The following SGCZ variants were observed in gnomAD, a reference collection of about 807,000 sequenced individuals.
The protein encoded by SGCZ is sarcoglycan zeta, also known as zeta-sarcoglycan.
SGCZ carries 40 observed loss-of-function variants against 41.3 expected under a neutral mutation model. The ratio of observed to expected loss-of-function variants is 0.97; its 90% CI spans 0.75 to 1.26. SGCZ has a LOEUF of 1.26. Among genes scored for constraint, SGCZ ranks in the 50% most tolerant of loss-of-function variants. SGCZ has a pLI of 0.00. For synonymous variants in SGCZ, 206 were observed against 137.5 expected (o/e 1.50, Z -3.49); for missense variants, 552 against 369.8 (o/e 1.49, Z -4.04).
At chr8:14,111,905 A>G (rs1461047078) in intron 5 of SGCZ, among the ~76,000 whole-genome samples, 1 of 152,242 alleles carries the variant, frequency 6.6e-6, no homozygotes, top group Non-Finnish European at 1.5e-5. Flanking sequence ...AAAATGCCAC[A>G]CGCTCAAAAA....
chr8:14,095,036 G>C (rs1452602035), intron 7 of SGCZ, among the ~76,000 whole-genome samples: 1 of 152,038 alleles, frequency 6.6e-6, no homozygotes, highest in Non-Finnish European at 1.5e-5. Context: ...CCCTTTGTCA[G>C]ATGGGTACAT....
chr8:14,863,498 T>A (rs1036080759), intron 1 of SGCZ, among the ~76,000 whole-genome samples: 2 of 151,994 alleles, frequency 1.3e-5, no homozygotes, highest in African/African-American at 4.8e-5. Context: ...CTATAAATAG[T>A]GAGGTTTCTA....
In SGCZ at chr8:14,086,943, C is replaced by G. The variant is rs1563116723; in HGVS notation, c.*3500G>C. On this transcript the variant is annotated 3_prime_UTR_variant, in exon 8 of 8. Transcript: ENST00000382080. ...AAGGAAATGTCTAGTTTGATATACC[C>G]CTCTCACAGATAAGTGAACTGTGAC... 6.6e-6 allele frequency among the ~76,000 whole-genome samples: 1 copy of G among 151,442 alleles called. No individual in the cohort carries two copies. Among genetic ancestry groups the G allele is most frequent in the African/African-American group, 2.4e-5 (1 of 41,322 alleles).
At chr8:14,309,580 T>C in intron 3 of SGCZ, 3 of 1,610,846 alleles carry the variant, frequency 1.9e-6, no homozygotes. Context: ...AAGGAAAGGT[T>C]AGGACTTCAT....
At chr8:14,968,525 A>C (rs1197794113) in intron 1 of SGCZ, among the ~76,000 whole-genome samples, 1 of 152,156 alleles carries the variant, frequency 6.6e-6, no homozygotes, top group African/African-American at 2.4e-5. Context: ...CCATTTTCTT[A>C]AGATATTAAA....
intron 2 of SGCZ, among the ~76,000 whole-genome samples, chr8:14,533,085 G>A (rs571779118): frequency 6.6e-6 from 1 of 151,986 alleles, no homozygotes; most frequent in East Asian, 1.9e-4. Context: ...ATGTTGGTAT[G>A]CTGCACCCAT....
At chr8:14,337,611 T>C (rs765482141) in intron 2 of SGCZ, among the ~76,000 whole-genome samples, 1 of 152,060 alleles carries the variant, frequency 6.6e-6, no homozygotes, top group East Asian at 1.9e-4. Flanking sequence ...AAAAAGAGAA[T>C]GAAAGTCTCA....
At chr8:14,882,747 T>C (rs1362720914) in intron 1 of SGCZ, among the ~76,000 whole-genome samples, 3 of 152,176 alleles carry the variant, frequency 2.0e-5, no homozygotes, top group African/African-American at 7.2e-5. Flanking sequence ...ATCTACCCTC[T>C]TTTTCTATTT....
intron 2 of SGCZ, among the ~76,000 whole-genome samples, chr8:14,505,067 T>G (rs1216050065): frequency 6.6e-6 from 1 of 152,106 alleles, no homozygotes; most frequent in Non-Finnish European, 1.5e-5. Context: ...GAGAATGGCT[T>G]GAGCTCATGG....
chr8:15,203,573 AG>A (rs1263238145), intron 1 of SGCZ, among the ~76,000 whole-genome samples: 24 of 152,206 alleles, frequency 1.6e-4, no homozygotes, highest in African/African-American at 5.1e-4. Context: ...GGTTTGATTT[AG>A]AAGACTAAAA....
At chr8:15,155,825 A>C (rs1029639654) in intron 1 of SGCZ, among the ~76,000 whole-genome samples, 12 of 152,154 alleles carry the variant, frequency 7.9e-5, no homozygotes, top group African/African-American at 2.9e-4. Context: ...TGGGAGTCTG[A>C]GGCAGGTGGA....
intron 4 of SGCZ, among the ~76,000 whole-genome samples, chr8:14,177,006 C>T (rs751903584): frequency 2.6e-5 from 4 of 152,066 alleles, no homozygotes; most frequent in Non-Finnish European, 5.9e-5. Flanking sequence ...GAGCAGGACA[C>T]GTTACATCAC....
chr8:14,243,796 T>G (rs1798977710), intron 3 of SGCZ, among the ~76,000 whole-genome samples: 1 of 152,136 alleles, frequency 6.6e-6, no homozygotes, highest in Admixed American at 6.6e-5. Context: ...TCCTCCAGAG[T>G]TAAAATTCAC....
At chr8:14,802,658 G>A (rs1461346140) in intron 1 of SGCZ, among the ~76,000 whole-genome samples, 4 of 152,080 alleles carry the variant, frequency 2.6e-5, no homozygotes, top group African/African-American at 9.7e-5. Context: ...TTCCAAAAAT[G>A]ATTTTCCTCC....
intron 1 of SGCZ, among the ~76,000 whole-genome samples, chr8:14,997,979 C>T (rs1267032296): frequency 6.6e-6 from 1 of 152,012 alleles, no homozygotes; most frequent in Non-Finnish European, 1.5e-5. Flanking sequence ...AAAAAAAATC[C>T]TAGTCATGTC....
intron 1 of SGCZ, among the ~76,000 whole-genome samples, chr8:15,052,042 G>C (rs758212129): frequency 6.6e-6 from 1 of 152,078 alleles, no homozygotes; most frequent in Non-Finnish European, 1.5e-5. Context: ...GTGAAGGGAA[G>C]AATCAATCTG....
chr8:14,781,372 G>A (rs1376811917), intron 1 of SGCZ, among the ~76,000 whole-genome samples: 4 of 152,028 alleles, frequency 2.6e-5, no homozygotes, highest in African/African-American at 9.7e-5. Context: ...GGAGTTACAG[G>A]CATGTGACAT....
chr8:14,212,153 A>G (rs1173636675), intron 4 of SGCZ, among the ~76,000 whole-genome samples: 1 of 152,076 alleles, frequency 6.6e-6, no homozygotes, highest in African/African-American at 2.4e-5. Context: ...TGTAGTAAGG[A>G]GCAATCCAGA....
At chr8:14,199,522 A>C (rs145586757) in intron 4 of SGCZ, among the ~76,000 whole-genome samples, 8,962 of 151,992 alleles carry the variant, frequency 0.059, 575 homozygotes, top group African/African-American at 0.16. Context: ...TGTGACCCAC[A>C]CCCTATTTGT....
Sources: allele counts gnomAD v4.1 joint callset (sites outside exome capture counted in the v4.1 genomes callset), GRCh38; gene constraint gnomAD v4.1.1; transcripts MANE v1.5; gene names NCBI Gene and HGNC (gene_info 2026-07-23, HGNC 2026-07-21).